TIPIN: variants seen among roughly 807,000 people sequenced by gnomAD.
The protein encoded by TIPIN is TIMELESS interacting protein, also known as TIMELESS-interacting protein.
Under a neutral mutation model 35.6 loss-of-function variants are expected in TIPIN, and 29 were observed. The observed-to-expected ratio is 0.82, with a 90% CI of 0.61 to 1.11. TIPIN has a LOEUF of 1.11. Ranked by LOEUF, TIPIN falls within the 50% of genes most tolerant of loss-of-function variation. The pLI, the probability that TIPIN is intolerant of heterozygous loss-of-function variation, is 0.00. For synonymous variants in TIPIN, 102 were observed against 121.5 expected (o/e 0.84, Z 1.06); for missense variants, 296 against 345.4 (o/e 0.86, Z 1.13).
At chr15:66,342,512 C>T (rs1281795060) in intron 6 of TIPIN, among the ~76,000 whole-genome samples, 2 of 151,834 alleles carry the variant, frequency 1.3e-5, no homozygotes, top group Non-Finnish European at 2.9e-5. Context: ...TACAGGCACC[C>T]GCCACCATGC....
In TIPIN at chr15:66,348,760, C is replaced by T. The variant is rs562476598; in HGVS notation, c.475+300G>A. On this transcript the variant is annotated intron_variant, in intron 6 of 7. Transcript: ENST00000261881. ...AGGAGTGTGAGAGCAGCCAAGGCAACGCAGGGAGATCCCCATCTCTACAAA... is the reference window on the plus strand; with the variant it reads ...AGGAGTGTGAGAGCAGCCAAGGCAATGCAGGGAGATCCCCATCTCTACAAA... Among the ~76,000 whole-genome samples the T allele has an allele frequency of 1.9e-4, 29 of 151,092 alleles. No homozygotes were observed. In the South Asian group the frequency reaches 4.4e-3, roughly 23 times the overall value.
At chr15:66,376,554 G>A (rs1288243524) in intron 1 of TIPIN, among the ~76,000 whole-genome samples, 5 of 151,596 alleles carry the variant, frequency 3.3e-5, no homozygotes, top group African/African-American at 7.3e-5. Context: ...TCAGCCTCCT[G>A]AGTAGATGGG....
At chr15:66,369,164 T>C (rs911573557) in intron 1 of TIPIN, among the ~76,000 whole-genome samples, 4 of 152,098 alleles carry the variant, frequency 2.6e-5, no homozygotes, top group Non-Finnish European at 4.4e-5. Context: ...CAAGGATAAA[T>C]AGCTGCATGG....
intron 7 of TIPIN, among the ~76,000 whole-genome samples, chr15:66,338,355 T>G (rs760589026): frequency 5.3e-5 from 8 of 152,176 alleles, no homozygotes; most frequent in Non-Finnish European, 1.2e-4. Flanking sequence ...AAGTACTTAT[T>G]TCCATTTGGA....
intron 7 of TIPIN, among the ~76,000 whole-genome samples, chr15:66,337,392 C>A (rs1198677812): frequency 6.7e-6 from 1 of 149,060 alleles, no homozygotes; most frequent in Non-Finnish European, 1.5e-5. Flanking sequence ...ATCGCACGAT[C>A]TGGGCTCACT....
intron 6 of TIPIN, among the ~76,000 whole-genome samples, chr15:66,344,387 ACAT>A (rs972663918): frequency 3.9e-5 from 6 of 152,092 alleles, no homozygotes; most frequent in Non-Finnish European, 8.8e-5. Context: ...TTCAAGACCA[ACAT>A]CACCAACATA....
chr15:66,379,690 G>A, intron 1 of TIPIN: 1 of 1,611,166 alleles, frequency 6.2e-7, no homozygotes, highest in Non-Finnish European at 8.5e-7. Context: ...TTCTGTACAT[G>A]ACTACAAATA....
intron 7 of TIPIN, among the ~76,000 whole-genome samples, chr15:66,340,387 A>T (rs2093077770): frequency 6.6e-6 from 1 of 151,062 alleles, no homozygotes; most frequent in African/African-American, 2.4e-5. Flanking sequence ...CATGTTGGCC[A>T]GGCTGGTCTT....
At chr15:66,344,486 A>G (rs958187292) in intron 6 of TIPIN, among the ~76,000 whole-genome samples, 1 of 152,132 alleles carries the variant, frequency 6.6e-6, no homozygotes, top group African/African-American at 2.4e-5. Flanking sequence ...AGGTATCTTC[A>G]GTAGTAAATG....
Position 66,337,077 on chromosome 15 carries a change from G to C in TIPIN, c.787C>G (p.Pro263Ala). 6.2e-7 allele frequency: 1 copy of C among 1,614,076 alleles called. No individual in the cohort carries two copies. Among genetic ancestry groups the C allele is most frequent in the Non-Finnish European group, 8.5e-7 (1 of 1,179,986 alleles). The change falls in exon 8 of 8, where the codon CCA becomes GCA. Residue 263 changes from proline to alanine, a missense_variant. Pro to Ala is a conservative substitution (Grantham distance 27). Transcript: ENST00000261881. ...NGLNEDILDN[P>A]CNDAIANTLN... is the part of the protein sequence containing the mutation. The stretch of plus-strand genomic sequence containing the variant: ...GTATTGGCAATAGCATCATTACATG[G>C]ATTGTCCAGAATGTCTTCGTTTAAT...
At chr15:66,373,219 C>T (rs375340018) in intron 1 of TIPIN, among the ~76,000 whole-genome samples, 174 of 151,908 alleles carry the variant, frequency 1.1e-3, no homozygotes, top group African/African-American at 3.5e-3. Flanking sequence ...CATGGCCGGG[C>T]GCAGTGGCTC....
intron 1 of TIPIN, among the ~76,000 whole-genome samples, chr15:66,385,317 T>C (rs2093333064): frequency 6.6e-6 from 1 of 152,060 alleles, no homozygotes; most frequent in Non-Finnish European, 1.5e-5. Flanking sequence ...CTTTGTTCTG[T>C]ACACGTTTCC....
At position 66,349,451 on chromosome 15, in the gene TIPIN, A is replaced by C. The variant is rs1166036368; in HGVS notation, c.289-14T>G. 1.2e-6 allele frequency: 2 copies of C among 1,607,528 alleles called. No homozygotes were observed. The highest frequency in any genetic ancestry group is 1.7e-6 in the Non-Finnish European group (2 of 1,178,392). Reference sequence around the variant, plus strand: ...CAAGTCTTCAGCCTGCCACATAAAAATAAAAATGCTAAACAGGAGTCTCAT... The same window carrying C: ...CAAGTCTTCAGCCTGCCACATAAAACTAAAAATGCTAAACAGGAGTCTCAT... On this transcript the variant is annotated splice_polypyrimidine_tract_variant and intron_variant, in intron 4 of 7. Transcript: ENST00000261881.
chr15:66,383,627 CATGA>C, intron 1 of TIPIN: 1 of 974,230 alleles, frequency 1.0e-6, no homozygotes, highest in Non-Finnish European at 1.2e-6. Flanking sequence ...GCATGTTTAA[CATGA>C]ATAAGGACAC....
upstream of TIPIN, among the ~76,000 whole-genome samples, chr15:66,357,872 C>T (rs999126671): frequency 6.6e-6 from 1 of 151,976 alleles, no homozygotes; most frequent in Non-Finnish European, 1.5e-5. Context: ...AGGAGTATCA[C>T]TTGAACCTGG....
chr15:66,376,481 T>G (rs1458576854), intron 1 of TIPIN, among the ~76,000 whole-genome samples: 1 of 151,934 alleles, frequency 6.6e-6, no homozygotes, highest in Non-Finnish European at 1.5e-5. Flanking sequence ...CAGGCTGGAG[T>G]GCCATGATGT....
rs144764364 is a variant in TIPIN at position 66,341,288 on chromosome 15, A to G, written c.544T>C (p.Ser182Pro). 8.5e-5 allele frequency: 137 copies of G among 1,613,832 alleles called. No homozygotes were observed. In the African/African-American group the frequency reaches 1.7e-3, roughly 20 times the overall value. Residue 182 changes from serine (S) to proline (P), a missense_variant, in exon 7 of 8, where the codon TCT (serine) becomes CCT (proline). Coordinates refer to ENST00000261881, the MANE Select transcript of TIPIN (RefSeq NM_017858.3). Reference sequence around the variant, plus strand: ...TCAGAAGCAAACATCTCACTTTCAGATAAGTTTGTCAGAAAGGGATCTAAT... The same window carrying G: ...TCAGAAGCAAACATCTCACTTTCAGGTAAGTTTGTCAGAAAGGGATCTAAT... Reference protein sequence around the residue: ...TELDPFLTNLSESEMFASELS... With the variant: ...TELDPFLTNLPESEMFASELS...
At chr15:66,382,911 A>G (rs553710203) in intron 1 of TIPIN, 1 of 984,504 alleles carries the variant, frequency 1.0e-6, no homozygotes, top group East Asian at 1.1e-4. Context: ...GGCCCTCAGG[A>G]AAAGTTGACA....
At chr15:66,354,048 C>T (rs62627269) in intron 1 of TIPIN, among the ~76,000 whole-genome samples, 65 of 152,220 alleles carry the variant, frequency 4.3e-4, no homozygotes, top group Middle Eastern at 3.4e-3. Context: ...TTTCTGGGCA[C>T]TCCTCCTGGA....
Sources: gnomAD v4.1 joint callset for allele counts (sites outside exome capture counted in the v4.1 genomes callset) on GRCh38, gnomAD v4.1.1 for gene constraint, MANE v1.5 for transcripts, NCBI Gene and HGNC (gene_info 2026-07-23, HGNC 2026-07-21) for gene names.